PLXDC2: variants seen among roughly 807,000 people sequenced by gnomAD.
The protein encoded by PLXDC2 is plexin domain-containing protein 2.
Under a neutral mutation model 68.9 loss-of-function variants are expected in PLXDC2, and 40 were observed. That is an observed-to-expected ratio of 0.58 (90% CI 0.45 to 0.76). The LOEUF is 0.76. Ranked by LOEUF, PLXDC2 falls within the 30% of genes least tolerant of loss-of-function variation. The pLI, the probability that PLXDC2 is intolerant of heterozygous loss-of-function variation, is 0.00. For missense variants in PLXDC2, 644 were observed against 661.9 expected (o/e 0.97, Z 0.30); for synonymous variants, 243 against 234.2 (o/e 1.04, Z -0.34).
At chr10:20,059,671 T>G (rs1022528650) in intron 3 of PLXDC2, among the ~76,000 whole-genome samples, 1 of 152,176 alleles carries the variant, frequency 6.6e-6, no homozygotes, top group East Asian at 1.9e-4. Context: ...TCAGCCCCTT[T>G]CCATGGACAT....
chr10:20,154,607 A>G (rs1182246202), intron 6 of PLXDC2, among the ~76,000 whole-genome samples: 10 of 152,048 alleles, frequency 6.6e-5, no homozygotes, highest in Non-Finnish European at 1.5e-4. Flanking sequence ...GAGATTTGAA[A>G]TAAGGGTCTT....
intron 4 of PLXDC2, among the ~76,000 whole-genome samples, chr10:20,068,926 T>A (rs1039738548): frequency 6.6e-6 from 1 of 152,102 alleles, no homozygotes; most frequent in Non-Finnish European, 1.5e-5. Flanking sequence ...CTAGAAGCGA[T>A]AAGGAAAATG....
intron 4 of PLXDC2, among the ~76,000 whole-genome samples, chr10:20,090,090 G>T (rs1359222119): frequency 2.0e-5 from 3 of 152,064 alleles, no homozygotes; most frequent in Non-Finnish European, 4.4e-5. Flanking sequence ...CTTCCCAGTT[G>T]GTAAACCAGC....
chr10:20,082,064 C>CAAAAAAAAAAAAAAAAAAAAAAAAAAAA (rs1252447303), intron 4 of PLXDC2, among the ~76,000 whole-genome samples: 2 of 70,154 alleles, frequency 2.9e-5, no homozygotes, highest in African/African-American at 5.7e-5. Flanking sequence ...AAAAAAAAAT[C>CAAAAAAAAAAAAAAAAAAAAAAAAAAAA]AAAAAAAAAA....
intron 9 of PLXDC2, among the ~76,000 whole-genome samples, chr10:20,210,560 C>T (rs576623740): frequency 6.6e-6 from 1 of 152,258 alleles, no homozygotes; most frequent in Admixed American, 6.5e-5. Context: ...ACAATGCTTG[C>T]TAAATTAGAT....
intron 1 of PLXDC2, among the ~76,000 whole-genome samples, chr10:19,901,455 G>A (rs968583853): frequency 6.6e-6 from 1 of 152,102 alleles, no homozygotes; most frequent in African/African-American, 2.4e-5. Context: ...CCATAAGCTT[G>A]TTTGCCATTT....
intron 1 of PLXDC2, among the ~76,000 whole-genome samples, chr10:19,836,202 G>A (rs1423704465): frequency 1.3e-5 from 2 of 151,834 alleles, no homozygotes; most frequent in African/African-American, 4.8e-5. Context: ...AAAGAGTATG[G>A]TTGGGAAGTA....
chr10:20,267,703 G>A (rs1223817405), intron 13 of PLXDC2, among the ~76,000 whole-genome samples: 1 of 152,036 alleles, frequency 6.6e-6, no homozygotes, highest in Non-Finnish European at 1.5e-5. Context: ...AAGAACAAAT[G>A]ACCTAAATAA....
intron 4 of PLXDC2, among the ~76,000 whole-genome samples, chr10:20,085,406 G>A (rs1833178342): frequency 8.5e-5 from 13 of 152,100 alleles, no homozygotes; most frequent in Admixed American, 8.5e-4. Flanking sequence ...GAATTTCCGT[G>A]CGGGAGGTGC....
intron 4 of PLXDC2, among the ~76,000 whole-genome samples, chr10:20,124,744 G>A (rs1031032115): frequency 7.2e-5 from 11 of 151,792 alleles, no homozygotes; most frequent in Non-Finnish European, 1.5e-4. Flanking sequence ...ACTCAGTGGG[G>A]GAGCTTTTGA....
At chr10:20,033,682 C>G (rs1475622771) in intron 2 of PLXDC2, among the ~76,000 whole-genome samples, 1 of 152,122 alleles carries the variant, frequency 6.6e-6, no homozygotes, top group Non-Finnish European at 1.5e-5. Flanking sequence ...TATTCACTAT[C>G]ACAAGAACAG....
At chr10:20,104,300 T>C (rs1036238574) in intron 4 of PLXDC2, among the ~76,000 whole-genome samples, 1 of 152,164 alleles carries the variant, frequency 6.6e-6, no homozygotes, top group African/African-American at 2.4e-5. Flanking sequence ...ATTTTTATGG[T>C]TTTTGTTGTC....
chr10:20,264,997 G>A (rs1439661534), intron 13 of PLXDC2, among the ~76,000 whole-genome samples: 3 of 152,078 alleles, frequency 2.0e-5, no homozygotes, highest in Admixed American at 6.6e-5. Context: ...AAAAAGTTTT[G>A]TGCACTTAGA....
chr10:20,010,388 T>C lies in PLXDC2; in HGVS notation c.324+8402T>C, dbSNP rs201223276. 1.1e-4 allele frequency among the ~76,000 whole-genome samples: 16 copies of C among 152,314 alleles called. No individual in the cohort carries two copies. In the East Asian group the frequency reaches 2.5e-3, roughly 24 times the overall value. ...AAAGAAGAAAGTGTACCGAAAATAG[T>C]AAATCAGACAGAAGTGATATCTGCA... On this transcript the variant is annotated intron_variant, in intron 2 of 13. Coordinates refer to ENST00000377252, the MANE Select transcript of PLXDC2 (RefSeq NM_032812.9).
chr10:20,002,522 G>C (rs1320477304), intron 2 of PLXDC2, among the ~76,000 whole-genome samples: 1 of 152,134 alleles, frequency 6.6e-6, no homozygotes, highest in Non-Finnish European at 1.5e-5. Flanking sequence ...GCCTCCCAAA[G>C]TGCTGGGATT....
chr10:20,124,012 C>T (rs557429087), intron 4 of PLXDC2, among the ~76,000 whole-genome samples: 2 of 151,396 alleles, frequency 1.3e-5, no homozygotes, highest in Non-Finnish European at 2.9e-5. Flanking sequence ...TCTTGCCCCC[C>T]AGAAAGGCAG....
At chr10:20,066,130 C>A (rs564376594) in intron 3 of PLXDC2, among the ~76,000 whole-genome samples, 9 of 152,306 alleles carry the variant, frequency 5.9e-5, no homozygotes, top group South Asian at 4.1e-4. Context: ...CAGAGTGAAG[C>A]AGACGATAGT....
chr10:19,938,461 A>G (rs1833764194), intron 1 of PLXDC2, among the ~76,000 whole-genome samples: 1 of 152,142 alleles, frequency 6.6e-6, no homozygotes, highest in South Asian at 2.1e-4. Context: ...GTGGAAGGCA[A>G]AGTGGGAGCA....
At chr10:20,259,229 G>A (rs1835781297) in intron 13 of PLXDC2, among the ~76,000 whole-genome samples, 1 of 151,822 alleles carries the variant, frequency 6.6e-6, no homozygotes, top group African/African-American at 2.4e-5. Flanking sequence ...AATGAAAGGT[G>A]GGTATAATAG....
Sources: gnomAD v4.1 joint callset for allele counts (sites outside exome capture counted in the v4.1 genomes callset) on GRCh38, gnomAD v4.1.1 for gene constraint, MANE v1.5 for transcripts, NCBI Gene and HGNC (gene_info 2026-07-23, HGNC 2026-07-21) for gene names.